RBPJ: variants seen among roughly 807,000 people sequenced by gnomAD.
RBPJ encodes recombination signal binding protein for immunoglobulin kappa J region.
In RBPJ, 9 loss-of-function variants were observed where a neutral mutation model predicts 67.8. The observed-to-expected ratio is 0.13, with a 90% CI of 0.08 to 0.23. The LOEUF (loss-of-function observed/expected upper bound fraction) is 0.23. Ranked by LOEUF, RBPJ falls within the 10% of genes least tolerant of loss-of-function variation. The probability of loss-of-function intolerance (pLI) is 1.00; values close to 1 mark genes in which losing one functional copy is unlikely to be tolerated. For synonymous variants in RBPJ, 198 were observed against 203.3 expected, an observed-to-expected ratio of 0.97 and a Z score of 0.22; for missense variants, 305 against 595.6, an observed-to-expected ratio of 0.51 and a Z score of 5.08.
At chr4:26,191,026 C>G (rs11723424) in intron 1 of RBPJ, among the ~76,000 whole-genome samples, 18,935 of 150,110 alleles carry the variant, frequency 0.13, 1,318 homozygotes, top group African/African-American at 0.17. Context: ...GCAGCACACA[C>G]CTGTGGTTCT....
At chr4:26,336,662 A>AG (rs1240914265) in intron 1 of RBPJ, among the ~76,000 whole-genome samples, 1 of 151,854 alleles carries the variant, frequency 6.6e-6, no homozygotes, top group Non-Finnish European at 1.5e-5. Flanking sequence ...TACCAAAAAA[A>AG]AAAAAAAAAT....
intron 1 of RBPJ, among the ~76,000 whole-genome samples, chr4:26,369,326 G>A (rs964701551): frequency 2.0e-5 from 3 of 152,240 alleles, no homozygotes; most frequent in Non-Finnish European, 2.9e-5. Flanking sequence ...ATATCTGAGT[G>A]TGTTATGCTA....
the RBPJ span, among the ~76,000 whole-genome samples, chr4:26,145,174 G>GTTCA: frequency 6.7e-6 from 1 of 149,370 alleles, no homozygotes; most frequent in Non-Finnish European, 1.5e-5. Context: ...CAAGCTGCTC[G>GTTCA]TCCCAGACTT....
At chr4:26,373,863 T>C (rs1729415216) in intron 1 of RBPJ, among the ~76,000 whole-genome samples, 1 of 151,822 alleles carries the variant, frequency 6.6e-6, no homozygotes, top group African/African-American at 2.4e-5. Flanking sequence ...GTGGCACCCA[T>C]AACAGATGTC....
intron 1 of RBPJ, among the ~76,000 whole-genome samples, chr4:26,277,827 G>A (rs1162781006): frequency 6.6e-6 from 1 of 152,158 alleles, no homozygotes; most frequent in Non-Finnish European, 1.5e-5. Context: ...CATGATTAGT[G>A]TTTTTAAATG....
intron 2 of RBPJ, among the ~76,000 whole-genome samples, chr4:26,405,043 G>C (rs906247211): frequency 6.6e-6 from 1 of 152,096 alleles, no homozygotes; most frequent in African/African-American, 2.4e-5. Context: ...TTATATCCTG[G>C]TATTACTGCC....
intron 1 of RBPJ, among the ~76,000 whole-genome samples, chr4:26,237,052 G>A (rs6825740): frequency 0.25 from 38,229 of 151,994 alleles, 4,839 homozygotes; most frequent in Non-Finnish European, 0.27. Flanking sequence ...ACAAACACCA[G>A]TTCAATGAAC....
intron 1 of RBPJ, among the ~76,000 whole-genome samples, chr4:26,214,917 G>GA (rs1227632517): frequency 2.6e-5 from 3 of 117,096 alleles, no homozygotes; most frequent in Non-Finnish European, 5.0e-5. Context: ...AGAAAAAAGA[G>GA]AAAAAAGGAA....
chr4:26,185,781 C>T (rs913260680), intron 1 of RBPJ, among the ~76,000 whole-genome samples: 5 of 152,140 alleles, frequency 3.3e-5, no homozygotes, highest in African/African-American at 7.2e-5. Context: ...GGACTGGGGC[C>T]GGGCACGGTG....
chr4:26,197,974 C>T (rs183392297), intron 1 of RBPJ, among the ~76,000 whole-genome samples: 36 of 152,098 alleles, frequency 2.4e-4, no homozygotes, highest in African/African-American at 7.5e-4. Context: ...TGAGGCAGGC[C>T]GGGCGCAGTG....
At chr4:26,152,451 A>T in the RBPJ span, among the ~76,000 whole-genome samples, 2 of 152,202 alleles carry the variant, frequency 1.3e-5, no homozygotes, top group Non-Finnish European at 2.9e-5. Context: ...GCCCCTTGTG[A>T]TGGGAAAACT....
chr4:26,350,781 A>G (rs1307204747), intron 1 of RBPJ, among the ~76,000 whole-genome samples: 1 of 152,196 alleles, frequency 6.6e-6, no homozygotes, highest in African/African-American at 2.4e-5. Flanking sequence ...TGGCCTGAGC[A>G]ATGGTAATTA....
the RBPJ span, among the ~76,000 whole-genome samples, chr4:26,124,624 A>C: frequency 3.2e-4 from 49 of 151,570 alleles, no homozygotes; most frequent in African/African-American, 1.2e-3. Context: ...TGCTGGATCA[A>C]ATGGCAGTTC....
chr4:26,109,703 A>C, the RBPJ span, among the ~76,000 whole-genome samples: 2 of 72,138 alleles, frequency 2.8e-5, no homozygotes, highest in Non-Finnish European at 5.5e-5. Flanking sequence ...GTGCCTGTCC[A>C]CCTTCCTCTC....
chr4:26,430,276 GT>G lies in RBPJ; in HGVS notation c.1045-138del. ...ATAAACTTGTATGTTATCTTGAAATGTTTTTAGCTAGCTTTGTAATAAAAAA... is the reference window on the plus strand; with the variant it reads ...ATAAACTTGTATGTTATCTTGAAATGTTTTAGCTAGCTTTGTAATAAAAAA... On this transcript the variant is annotated intron_variant, in intron 9 of 10. Coordinates refer to ENST00000355476, the MANE Select transcript of RBPJ (RefSeq NM_015874.6). This position sits in a 1 kb window ranked among gnomAD's most constrained non-coding sequence, Gnocchi z 4.1. The G allele has an allele frequency of 1.2e-6, 1 of 854,062 alleles. No individual in the cohort carries two copies. The highest frequency in any genetic ancestry group is 1.6e-5 in the South Asian group (1 of 60,886). The allele number at this position is 854,062 out of a possible 1,614,324, so 52.9% of individuals were successfully genotyped here. A position where few individuals can be genotyped will look rare whatever the true frequency, so the allele number is the denominator to read the frequency against.
intron 3 of RBPJ, 32 bp from the exon 4 acceptor site, chr4:26,415,443 C>G (rs779220167): frequency 3.4e-6 from 5 of 1,484,892 alleles, no homozygotes; most frequent in Non-Finnish European, 2.7e-6. Context: ...ATTTTTGCTT[C>G]TTGTTTTTTT....
chr4:26,387,150 A>G (rs1251415581), intron 2 of RBPJ, among the ~76,000 whole-genome samples: 1 of 152,070 alleles, frequency 6.6e-6, no homozygotes, highest in African/African-American at 2.4e-5. Context: ...ATGGTTTTTC[A>G]TAGCTTTCAT....
chr4:26,184,922 A>G (rs1717177072), intron 1 of RBPJ, among the ~76,000 whole-genome samples: 1 of 152,128 alleles, frequency 6.6e-6, no homozygotes, highest in Non-Finnish European at 1.5e-5. Flanking sequence ...TGGGCAGATC[A>G]CCTGAGGTCA....
At chr4:26,274,310 G>C (rs1721010749) in intron 1 of RBPJ, among the ~76,000 whole-genome samples, 2 of 152,256 alleles carry the variant, frequency 1.3e-5, no homozygotes, top group Middle Eastern at 3.4e-3. Context: ...AGGAAGATAA[G>C]AGAAGGTATG....
Sources: gnomAD v4.1 joint callset for allele counts (sites outside exome capture counted in the v4.1 genomes callset) on GRCh38, gnomAD v4.1.1 for gene constraint, Gnocchi (gnomAD v3.1) non-coding constraint, MANE v1.5 for transcripts, NCBI Gene and HGNC (gene_info 2026-07-23, HGNC 2026-07-21) for gene names.